VCP: variants seen among roughly 807,000 people sequenced by gnomAD.
VCP encodes the protein transitional endoplasmic reticulum ATPase.
Under a neutral mutation model 85.7 loss-of-function variants are expected in VCP, and 6 were observed. The ratio of observed to expected loss-of-function variants is 0.07; its 90% CI spans 0.04 to 0.14. VCP has a LOEUF of 0.14. Among genes scored for constraint, VCP ranks in the 10% least tolerant of loss-of-function variants. The probability of loss-of-function intolerance (pLI) is 1.00; values close to 1 mark genes in which losing one functional copy is unlikely to be tolerated. For missense variants in VCP, 353 were observed against 1,043.4 expected (o/e 0.34, Z 9.12); for synonymous variants, 384 against 367.1 (o/e 1.05, Z -0.53).
chr9:35,069,722 G>A (rs931199017), intron 1 of VCP, among the ~76,000 whole-genome samples: 5 of 152,218 alleles, frequency 3.3e-5, no homozygotes, highest in Non-Finnish European at 4.4e-5. Flanking sequence ...AAAGTACTGG[G>A]ATTACAGGCG....
At chr9:35,071,298 T>G (rs1044362354) in intron 1 of VCP, among the ~76,000 whole-genome samples, 5 of 26,522 alleles carry the variant, frequency 1.9e-4, no homozygotes, top group East Asian at 7.5e-4. Context: ...GCTGTGTTTT[T>G]TTTTTTTTTT....
At chr9:35,060,625 T>C in intron 12 of VCP, 100 bp from the exon 13 acceptor site, 3 of 1,510,516 alleles carry the variant, frequency 2.0e-6, no homozygotes, top group Middle Eastern at 2.1e-4. Flanking sequence ...GTGTACCCAA[T>C]GGTATCAGAT....
chr9:35,056,902 G>C lies in VCP; in HGVS notation c.*215C>G. On this transcript the variant is annotated 3_prime_UTR_variant, in exon 17 of 17. Transcript: ENST00000358901. ...ATTCCCTGTTGGTAATTCACTCTCC[G>C]CCTACCAAATGAAAATCGCTTTTAT... 1.8e-6 allele frequency: 1 copy of C among 557,572 alleles called. No homozygotes were observed. The highest frequency in any genetic ancestry group is 1.9e-5 in the South Asian group (1 of 53,498). The allele number at this position is 557,572 out of a possible 1,614,324, so 34.5% of individuals were successfully genotyped here. A position where few individuals can be genotyped will look rare whatever the true frequency, so the allele number is the denominator to read the frequency against.
chr9:35,061,269 A>G (rs949986269), intron 10 of VCP, 90 bp from the exon 11 acceptor site: 1 of 1,555,838 alleles, frequency 6.4e-7, no homozygotes, highest in African/African-American at 1.4e-5. Flanking sequence ...CCTGACTGCT[A>G]TCCCTGGGTC....
intron 7 of VCP, 86 bp from the exon 8 acceptor site, chr9:35,062,436 C>G: frequency 6.2e-7 from 1 of 1,601,278 alleles, no homozygotes; most frequent in Non-Finnish European, 8.5e-7. Flanking sequence ...TTGTTTGGCC[C>G]AGAGACAGGT....
chr9:35,064,017 T>G, intron 6 of VCP, 137 bp downstream of exon 6: 1 of 1,414,738 alleles, frequency 7.1e-7, no homozygotes, highest in Non-Finnish European at 9.9e-7. Context: ...TTAGGTAAAC[T>G]AAAGGATACG....
rs1261641010 is a variant in VCP, at chr9:35,059,029, T to C, written c.2160+35A>G. 2.5e-6 allele frequency: 4 copies of C among 1,612,918 alleles called. No homozygotes were observed. The highest frequency in any genetic ancestry group is 1.7e-5 in the Admixed American group (1 of 60,020). ...GTGGTGGCTGCTGCCTGGCTCTCCA[T>C]GATTGGCACATCTGGGGAAAGGATG... is the stretch of plus-strand genomic sequence containing the variant. On this transcript the variant is annotated intron_variant, in intron 15 of 16. Transcript: ENST00000358901. This position sits in a 1 kb window ranked among gnomAD's most constrained non-coding sequence, Gnocchi z 4.9.
Position 35,064,169 on chromosome 9 carries a change from C to T in VCP, c.693G>A (p.Lys231=), listed in dbSNP as rs758367172. The T allele has an allele frequency of 6.2e-7, 1 of 1,614,224 alleles. No individual in the cohort carries two copies. Among genetic ancestry groups the T allele is most frequent in the East Asian group, 2.2e-5 (1 of 44,880 alleles). ...ELPLRHPALF[K]AIGVKPPRGI... The stretch of plus-strand genomic sequence containing the variant: ...GGATGCTCACCTTCACACCAATTGC[C>T]TTAAAGAGGGCAGGATGTCTCAGGG... The change falls in exon 6 of 17, where the codon AAG becomes AAA. Residue 231 remains lysine, a synonymous_variant. Coordinates refer to ENST00000358901, the MANE Select transcript of VCP (RefSeq NM_007126.5).
chr9:35,067,240 G>A (rs1011241093), intron 3 of VCP, among the ~76,000 whole-genome samples: 1 of 152,168 alleles, frequency 6.6e-6, no homozygotes, highest in African/African-American at 2.4e-5. Context: ...CAAGAAGAAA[G>A]CTACATGAAA....
At chr9:35,065,419 C>G in intron 4 of VCP, 38 bp from the exon 5 acceptor site, 1 of 1,613,438 alleles carries the variant, frequency 6.2e-7, no homozygotes, top group Non-Finnish European at 8.5e-7. Context: ...TTAGAGGTGT[C>G]AACTACAAGA....
intron 12 of VCP, 62 bp from the exon 13 acceptor site, chr9:35,060,587 A>G: frequency 6.4e-7 from 1 of 1,562,558 alleles, no homozygotes; most frequent in Non-Finnish European, 8.8e-7. Context: ...ACCTAACTAA[A>G]CAGAAGCATC....
Position 35,064,138 on chromosome 9 carries a change from A to C in VCP, c.708+16T>G, listed in dbSNP as rs760337234. ...GGCACCACTTTAGACTTGATTCCAG[A>C]GCCCAGGATGCTCACCTTCACACCA... On this transcript the variant is annotated intron_variant, in intron 6 of 16. Coordinates refer to ENST00000358901, the MANE Select transcript of VCP (RefSeq NM_007126.5). 9.3e-6 allele frequency: 15 copies of C among 1,614,028 alleles called. No homozygotes were observed. The highest frequency in any genetic ancestry group is 1.3e-5 in the African/African-American group (1 of 74,938).
chr9:35,061,521 C>T, intron 10 of VCP, 56 bp downstream of exon 10: 1 of 1,501,840 alleles, frequency 6.7e-7, no homozygotes, highest in South Asian at 1.1e-5. Context: ...CTAGCCAGTT[C>T]CCAGCAACTG....
At position 35,059,775 on chromosome 9, in the gene VCP, T is replaced by C. The variant is rs563516701; in HGVS notation, c.1722A>G (p.Leu574=). Residue 574 remains leucine (L), a synonymous_variant, in exon 14 of 17, where the codon CTA becomes CTG. Transcript: ENST00000358901. The surrounding 1 kb of genome is among the most constrained non-coding windows in gnomAD (Gnocchi z 4.9). ...DKARQAAPCV[L]FFDELDSIAK... ...CAATCGAATCCAGCTCATCAAAGAA[T>C]AGCACACAGGGGGCAGCTTGGCGGG... is the stretch of plus-strand genomic sequence containing the variant. The C allele has an allele frequency of 8.1e-6, 13 of 1,614,038 alleles. No individual in the cohort carries two copies. The highest frequency in any genetic ancestry group is 2.2e-5 in the East Asian group (1 of 44,888).
chr9:35,068,635 TAAG>T (rs1282051019), intron 1 of VCP, among the ~76,000 whole-genome samples: 3 of 152,136 alleles, frequency 2.0e-5, no homozygotes, highest in African/African-American at 7.2e-5. Flanking sequence ...AATAATGGCC[TAAG>T]AAGAAGACAT....
At chr9:35,067,100 A>C (rs1828848914) in intron 3 of VCP, among the ~76,000 whole-genome samples, 1 of 152,158 alleles carries the variant, frequency 6.6e-6, no homozygotes, top group Non-Finnish European at 1.5e-5. Context: ...TCTAGCTAAT[A>C]CTGGTGACCC....
intron 7 of VCP, 22 bp downstream of exon 7, chr9:35,062,956 T>A (rs372528760): frequency 1.9e-6 from 3 of 1,613,588 alleles, no homozygotes; most frequent in Non-Finnish European, 2.5e-6. Context: ...TAGCTAGACA[T>A]AAGATGAACC....
At chr9:35,064,433 C>T in intron 5 of VCP, 148 bp from the exon 6 acceptor site, 1 of 1,092,270 alleles carries the variant, frequency 9.2e-7, no homozygotes, top group Non-Finnish European at 1.3e-6. Flanking sequence ...CATCTGTAAT[C>T]CCAGCACTTT....
intron 3 of VCP, 49 bp from the exon 4 acceptor site, chr9:35,066,866 A>G (rs768733449): frequency 2.2e-5 from 35 of 1,613,206 alleles, no homozygotes; most frequent in African/African-American, 2.7e-5. Context: ...TTCGGGCCCA[A>G]GCACTGGGTG....
Sources: gnomAD v4.1 joint callset for allele counts (sites outside exome capture counted in the v4.1 genomes callset) on GRCh38, gnomAD v4.1.1 for gene constraint, Gnocchi (gnomAD v3.1) non-coding constraint, MANE v1.5 for transcripts, NCBI Gene and HGNC (gene_info 2026-07-23, HGNC 2026-07-21) for gene names.